Variants in GRID2 observed in about 807,000 individuals in gnomAD.
GRID2 encodes the protein glutamate ionotropic receptor delta type subunit 2, also known as glutamate receptor ionotropic, delta-2.
Under a neutral mutation model 114.8 loss-of-function variants are expected in GRID2, and 33 were observed. The ratio of observed to expected loss-of-function variants is 0.29; its 90% CI spans 0.22 to 0.38. GRID2 has a LOEUF of 0.38. Ranked by LOEUF, GRID2 falls within the 10% of genes least tolerant of loss-of-function variation. The pLI, the probability that GRID2 is intolerant of heterozygous loss-of-function variation, is 1.00. For missense variants in GRID2, 1,184 were observed against 1,257.7 expected (o/e 0.94, Z 0.89); for synonymous variants, 505 against 449.9 (o/e 1.12, Z -1.55).
intron 14 of GRID2, among the ~76,000 whole-genome samples, chr4:93,764,497 A>G (rs1733470684): frequency 6.6e-6 from 1 of 152,170 alleles, no homozygotes; most frequent in African/African-American, 2.4e-5. Context: ...CTAGCTTTAG[A>G]GTTGCAATAG....
chr4:92,805,293 CATAA>C (rs1308029330), intron 2 of GRID2, among the ~76,000 whole-genome samples: 2 of 151,776 alleles, frequency 1.3e-5, no homozygotes, highest in Non-Finnish European at 2.9e-5. Flanking sequence ...ATTTTAATAA[CATAA>C]ATAAAATAAA....
At chr4:92,506,949 T>A (rs1320559569) in intron 1 of GRID2, among the ~76,000 whole-genome samples, 4 of 151,948 alleles carry the variant, frequency 2.6e-5, no homozygotes, top group African/African-American at 9.7e-5. Flanking sequence ...GTCAGCCTCC[T>A]GTGCTTCTAC....
chr4:93,801,881 G>A (rs1429599231), intron 1 of GRID2, among the ~76,000 whole-genome samples: 1 of 152,154 alleles, frequency 6.6e-6, no homozygotes, highest in Non-Finnish European at 1.5e-5. Context: ...ATTACTATAA[G>A]GGGTTCAACC....
At chr4:93,739,072 G>A (rs147352682) in intron 14 of GRID2, among the ~76,000 whole-genome samples, 46 of 152,206 alleles carry the variant, frequency 3.0e-4, no homozygotes, top group African/African-American at 1.1e-3. Flanking sequence ...TCAGTCAGGA[G>A]CTACTGACTG....
At chr4:92,466,339 G>A (rs1024801491) in intron 1 of GRID2, among the ~76,000 whole-genome samples, 2 of 151,802 alleles carry the variant, frequency 1.3e-5, no homozygotes, top group Non-Finnish European at 2.9e-5. Flanking sequence ...TGTACAGAGA[G>A]TTAAAACTAT....
chr4:93,373,360 G>A (rs187647843), intron 8 of GRID2, among the ~76,000 whole-genome samples: 4 of 151,712 alleles, frequency 2.6e-5, no homozygotes, highest in African/African-American at 9.7e-5. Flanking sequence ...AGTTTCTACA[G>A]TGGCAGAAGG....
intron 1 of GRID2, among the ~76,000 whole-genome samples, chr4:92,445,737 C>G (rs1733423347): frequency 1.3e-5 from 2 of 152,160 alleles, no homozygotes; most frequent in Non-Finnish European, 2.9e-5. Flanking sequence ...ATAACAAATT[C>G]TATCTTAGGT....
chr4:93,528,406 A>G (rs1731131727), intron 13 of GRID2, among the ~76,000 whole-genome samples: 1 of 151,496 alleles, frequency 6.6e-6, no homozygotes, highest in African/African-American at 2.4e-5. Context: ...ATAATGCACA[A>G]GAGTTCCATT....
intron 4 of GRID2, among the ~76,000 whole-genome samples, chr4:93,188,860 A>G (rs952722086): frequency 1.1e-4 from 16 of 152,172 alleles, no homozygotes; most frequent in African/African-American, 3.4e-4. Flanking sequence ...CTTAATAACA[A>G]GAATCACCTT....
intron 2 of GRID2, among the ~76,000 whole-genome samples, chr4:93,034,928 T>C (rs767383470): frequency 1.3e-5 from 2 of 152,188 alleles, no homozygotes; most frequent in Non-Finnish European, 2.9e-5. Context: ...GTATACATTC[T>C]TTCAGTCGTT....
chr4:93,205,489 T>A (rs1742625323), intron 4 of GRID2, among the ~76,000 whole-genome samples: 1 of 152,104 alleles, frequency 6.6e-6, no homozygotes, highest in South Asian at 2.1e-4. Flanking sequence ...ACATGAACTC[T>A]TCATTTTTTA....
Position 92,944,339 on chromosome 4 carries a change from G to A in GRID2, c.245-140656G>A, listed in dbSNP as rs1416212306. ...GATCTCAGACTGCTGTGCTAGCAAT[G>A]AGTGAGGCTCCGTGGGCATAGGACC... On this transcript the variant is annotated intron_variant, in intron 2 of 15. Transcript: ENST00000282020. Among the ~76,000 whole-genome samples, 4 of 152,216 alleles carry A rather than the reference G, an allele frequency of 2.6e-5. No individual in the cohort carries two copies. The South Asian group carries it at 6.2e-4, about 24-fold the overall frequency.
intron 8 of GRID2, among the ~76,000 whole-genome samples, chr4:93,254,554 A>G (rs1749355834): frequency 1.3e-5 from 2 of 152,134 alleles, no homozygotes; most frequent in African/African-American, 4.8e-5. Context: ...TGTATTTGAA[A>G]TGCTTTGCTT....
chr4:93,754,044 G>A (rs1305291483), intron 14 of GRID2, among the ~76,000 whole-genome samples: 2 of 152,170 alleles, frequency 1.3e-5, no homozygotes, highest in East Asian at 1.9e-4. Flanking sequence ...TGGTATAGGT[G>A]TATTTCTTCT....
chr4:92,508,983 CT>C (rs1211320052), intron 1 of GRID2, among the ~76,000 whole-genome samples: 1 of 151,864 alleles, frequency 6.6e-6, no homozygotes, highest in East Asian at 1.9e-4. Context: ...GGGAGGCACA[CT>C]TGAGCCCAGG....
chr4:93,300,135 G>C (rs1217431456), intron 8 of GRID2, among the ~76,000 whole-genome samples: 1 of 151,904 alleles, frequency 6.6e-6, no homozygotes, highest in Non-Finnish European at 1.5e-5. Context: ...GTGTGTGATG[G>C]GGTCTCCTTA....
At chr4:92,468,464 A>C (rs1457909464) in intron 1 of GRID2, among the ~76,000 whole-genome samples, 3 of 152,086 alleles carry the variant, frequency 2.0e-5, no homozygotes, top group Non-Finnish European at 4.4e-5. Context: ...TGGCATCCTT[A>C]ATTTGGAGCC....
intron 14 of GRID2, among the ~76,000 whole-genome samples, chr4:93,660,386 T>C (rs896154268): frequency 6.6e-6 from 1 of 152,170 alleles, no homozygotes; most frequent in African/African-American, 2.4e-5. Flanking sequence ...AAAAGGAGCC[T>C]TTTTTATAAT....
intron 1 of GRID2, among the ~76,000 whole-genome samples, chr4:92,359,830 A>G (rs1163400638): frequency 6.6e-6 from 1 of 151,888 alleles, no homozygotes; most frequent in African/African-American, 2.4e-5. Flanking sequence ...TTCCTAGGCA[A>G]TTTCCCTTAG....
Sources: gnomAD v4.1 joint callset for allele counts (sites outside exome capture counted in the v4.1 genomes callset) on GRCh38, gnomAD v4.1.1 for gene constraint, MANE v1.5 for transcripts, NCBI Gene and HGNC (gene_info 2026-07-23, HGNC 2026-07-21) for gene names.